The following STK31 variants were observed in gnomAD, a reference collection of about 807,000 sequenced individuals.
STK31 encodes the protein serine/threonine kinase 31.
A neutral mutation model predicts 129.7 loss-of-function variants in STK31; 89 were observed. That is an observed-to-expected ratio of 0.69 (90% CI 0.58 to 0.82). STK31 has a LOEUF of 0.82. STK31 is among the 40% of genes least tolerant of loss of function. STK31 has a pLI of 0.00. For synonymous variants in STK31, 448 were observed against 395.3 expected, an observed-to-expected ratio of 1.13 and a Z score of -1.58; for missense variants, 1,187 against 1,176.4, an observed-to-expected ratio of 1.01 and a Z score of -0.13.
chr7:23,798,516 T>C (rs13242020), intron 22 of STK31, among the ~76,000 whole-genome samples: 57,469 of 125,884 alleles, frequency 0.46, 14,893 homozygotes, highest in Admixed American at 0.52. Context: ...ATTACCTCAA[T>C]AGATGCAAGA....
At chr7:23,711,243 C>T (rs1430722397) in intron 1 of STK31, among the ~76,000 whole-genome samples, 3 of 152,028 alleles carry the variant, frequency 2.0e-5, no homozygotes, top group Non-Finnish European at 4.4e-5. Flanking sequence ...TCAAGACCAG[C>T]CTGGCCAACA....
intron 23 of STK31, among the ~76,000 whole-genome samples, chr7:23,829,304 A>G (rs1794402061): frequency 6.6e-6 from 1 of 152,038 alleles, no homozygotes. Flanking sequence ...TTACTTATAT[A>G]CCTAGTTTGT....
At chr7:23,770,898 G>A (rs7785154) in intron 13 of STK31, 107 bp from the exon 14 acceptor site, 1,175,197 of 1,179,232 alleles carry the variant, frequency 1, 585,707 homozygotes, top group East Asian at 1. Flanking sequence ...AAATCACTGC[G>A]GAAATCTGTT....
chr7:23,748,600 T>C (rs950453622), intron 8 of STK31, among the ~76,000 whole-genome samples: 3 of 152,242 alleles, frequency 2.0e-5, no homozygotes, highest in African/African-American at 7.2e-5. Context: ...TCTTCCTCCC[T>C]GTCCTCAGCC....
chr7:23,798,273 C>A (rs993914954), intron 22 of STK31, among the ~76,000 whole-genome samples: 4 of 152,118 alleles, frequency 2.6e-5, no homozygotes, highest in African/African-American at 4.8e-5. Context: ...ATCCTGGTAC[C>A]AAAACGTGCC....
chr7:23,781,773 C>T (rs192621170), intron 16 of STK31, among the ~76,000 whole-genome samples: 3 of 152,276 alleles, frequency 2.0e-5, no homozygotes, highest in Admixed American at 6.5e-5. Context: ...AATATTTCCA[C>T]TCAGTGATAA....
chr7:23,716,463 G>A (rs1584316380), intron 3 of STK31, among the ~76,000 whole-genome samples: 1 of 152,056 alleles, frequency 6.6e-6, no homozygotes, highest in Admixed American at 6.6e-5. Flanking sequence ...TATTGTGGCT[G>A]TCTAATCCAG....
chr7:23,791,263 T>TTAA, intron 22 of STK31: 1 of 985,172 alleles, frequency 1.0e-6, no homozygotes, highest in Non-Finnish European at 1.2e-6. Context: ...AAGCCTTGGG[T>TTAA]ATATTCCTGC....
intron 13 of STK31, 48 bp from the exon 14 acceptor site, chr7:23,770,957 T>C (rs1376823705): frequency 1.5e-5 from 24 of 1,552,034 alleles, no homozygotes; most frequent in Non-Finnish European, 2.1e-5. Flanking sequence ...GCCTTAGCTG[T>C]TTTGGATATT....
intron 22 of STK31, among the ~76,000 whole-genome samples, chr7:23,801,104 G>C (rs374081805): frequency 3.3e-5 from 5 of 152,122 alleles, no homozygotes; most frequent in Non-Finnish European, 7.4e-5. Flanking sequence ...GATTGTAATC[G>C]TATGTATTAT....
At chr7:23,787,341 C>G (rs1039726961) in intron 20 of STK31, among the ~76,000 whole-genome samples, 11 of 152,090 alleles carry the variant, frequency 7.2e-5, no homozygotes, top group African/African-American at 2.7e-4. Flanking sequence ...TATGGAGTAA[C>G]ACTGTTTCAG....
intron 10 of STK31, among the ~76,000 whole-genome samples, chr7:23,759,288 C>T (rs868014862): frequency 6.6e-6 from 1 of 152,194 alleles, no homozygotes; most frequent in Non-Finnish European, 1.5e-5. Flanking sequence ...ACCTGATAGA[C>T]GTCTGCAGAA....
intron 8 of STK31, among the ~76,000 whole-genome samples, chr7:23,752,495 T>G (rs1788773373): frequency 6.6e-6 from 1 of 152,076 alleles, no homozygotes. Context: ...GCTACAGGCA[T>G]GCACCACCAC....
At chr7:23,822,629 T>A (rs535597231) in intron 23 of STK31, among the ~76,000 whole-genome samples, 1 of 152,212 alleles carries the variant, frequency 6.6e-6, no homozygotes, top group Non-Finnish European at 1.5e-5. Flanking sequence ...ATACTTTAAG[T>A]TTTAGGATAC....
At chr7:23,805,368 G>A (rs1473492784) in intron 22 of STK31, among the ~76,000 whole-genome samples, 3 of 152,156 alleles carry the variant, frequency 2.0e-5, no homozygotes, top group African/African-American at 7.2e-5. Context: ...GAGCCACCAC[G>A]CCCAGCCCCA....
chr7:23,723,667 C>T (rs1786867489), intron 4 of STK31, among the ~76,000 whole-genome samples: 1 of 152,100 alleles, frequency 6.6e-6, no homozygotes, highest in African/African-American at 2.4e-5. Flanking sequence ...GTAGAAGGGT[C>T]ATAGGCTATG....
intron 23 of STK31, among the ~76,000 whole-genome samples, chr7:23,829,401 CTTTG>C (rs1427738999): frequency 6.6e-6 from 1 of 152,106 alleles, no homozygotes; most frequent in Non-Finnish European, 1.5e-5. Context: ...GGTTTTTGCT[CTTTG>C]TTCAGTTGAT....
intron 6 of STK31, among the ~76,000 whole-genome samples, chr7:23,730,872 ATATATATT>A (rs1787372755): frequency 1.8e-5 from 1 of 56,128 alleles, no homozygotes; most frequent in African/African-American, 5.4e-5. Context: ...ATATATATAT[ATATATATT>A]TTTTTTTTTT....
chr7:23,748,994 T>C (rs1313895914), intron 8 of STK31, among the ~76,000 whole-genome samples: 9 of 152,224 alleles, frequency 5.9e-5, no homozygotes, highest in Non-Finnish European at 1.0e-4. Flanking sequence ...TTTATTGGTG[T>C]TGAGTTCAAA....
Sources: allele counts gnomAD v4.1 joint callset (sites outside exome capture counted in the v4.1 genomes callset), GRCh38; gene constraint gnomAD v4.1.1; transcripts MANE v1.5; gene names NCBI Gene and HGNC (gene_info 2026-07-23, HGNC 2026-07-21).